PDE7B: variants seen among roughly 807,000 people sequenced by gnomAD.
PDE7B encodes the protein 3',5'-cyclic-AMP phosphodiesterase 7B.
A neutral mutation model predicts 56.2 loss-of-function variants in PDE7B; 29 were observed. That is an observed-to-expected ratio of 0.52 (90% CI 0.38 to 0.70). PDE7B has a LOEUF of 0.70. Ranked by LOEUF, PDE7B falls within the 30% of genes least tolerant of loss-of-function variation. PDE7B has a pLI of 0.00. For synonymous variants in PDE7B, 197 were observed against 196.9 expected, an observed-to-expected ratio of 1.00 and a Z score of 0.00; for missense variants, 490 against 565.0, an observed-to-expected ratio of 0.87 and a Z score of 1.35.
chr6:136,153,623 A>T (rs943660779), intron 6 of PDE7B, among the ~76,000 whole-genome samples: 1 of 152,194 alleles, frequency 6.6e-6, no homozygotes, highest in African/African-American at 2.4e-5. Context: ...TTTGTTATTC[A>T]AGTGTTAAAC....
intron 2 of PDE7B, 148 bp downstream of exon 2, chr6:135,947,672 AT>A: frequency 1.6e-6 from 1 of 637,554 alleles, no homozygotes. Flanking sequence ...ACACATTTAT[AT>A]GTGTAACACT....
intron 2 of PDE7B, among the ~76,000 whole-genome samples, chr6:136,003,665 C>T (rs946389524): frequency 1.3e-5 from 2 of 152,186 alleles, no homozygotes; most frequent in Non-Finnish European, 2.9e-5. Flanking sequence ...GAGGTTGAAT[C>T]TCTGAATAGA....
rs1562444827 is a variant in PDE7B, at chr6:135,934,756, T to TA, written c.22-12708_22-12707insA. Among the ~76,000 whole-genome samples the TA allele has an allele frequency of 5.7e-3, 496 of 86,738 alleles. 7 individuals are homozygous for TA. Among genetic ancestry groups the TA allele is most frequent in the African/African-American group, 0.018 (471 of 25,980 alleles). 56.9% of individuals were successfully genotyped at this position (86,738 alleles called of 152,430 possible). ...AAAAAAAAAATATATATATATATAT[T>TA]TTTTAAATATATATATATATTTATT... On this transcript the variant is annotated intron_variant, in intron 1 of 12. Transcript: ENST00000308191.
chr6:136,153,940 A>G, intron 6 of PDE7B, 135 bp from the exon 7 acceptor site: 2 of 595,934 alleles, frequency 3.4e-6, no homozygotes, highest in Non-Finnish European at 6.0e-6. Flanking sequence ...AACCACGTTT[A>G]TTTTTAAAGC....
intron 2 of PDE7B, among the ~76,000 whole-genome samples, chr6:135,981,710 T>C (rs1775300201): frequency 6.6e-6 from 1 of 150,958 alleles, no homozygotes; most frequent in African/African-American, 2.4e-5. Flanking sequence ...ACTATAACAA[T>C]GCCTTCCTCT....
intron 1 of PDE7B, among the ~76,000 whole-genome samples, chr6:135,887,723 T>C (rs1458775930): frequency 6.6e-6 from 1 of 152,178 alleles, no homozygotes; most frequent in Admixed American, 6.5e-5. Flanking sequence ...CTCTCAATTA[T>C]CTACATTTGG....
chr6:135,924,614 TCTC>T (rs1363185090), intron 1 of PDE7B, among the ~76,000 whole-genome samples: 1 of 98,180 alleles, frequency 1.0e-5, no homozygotes, highest in South Asian at 5.0e-4. Context: ...TCTCTCTCTC[TCTC>T]TTTTTTTTTT....
At chr6:136,138,535 C>G (rs148488718) in intron 3 of PDE7B, among the ~76,000 whole-genome samples, 1 of 151,994 alleles carries the variant, frequency 6.6e-6, no homozygotes, top group Non-Finnish European at 1.5e-5. Context: ...GATTGTTGCA[C>G]GTTCTTCCCC....
chr6:136,038,643 G>A, intron 2 of PDE7B: 5 of 728,018 alleles, frequency 6.9e-6, no homozygotes, highest in Non-Finnish European at 9.6e-6. Flanking sequence ...TCAGGTCTGA[G>A]GGCTGTGACT....
intron 1 of PDE7B, among the ~76,000 whole-genome samples, chr6:135,884,707 A>G (rs1194079729): frequency 2.6e-5 from 4 of 152,280 alleles, no homozygotes; most frequent in African/African-American, 9.6e-5. Flanking sequence ...TGATTAGTCA[A>G]TAGATATTTA....
At chr6:136,049,405 A>C (rs1266633837) in intron 2 of PDE7B, 1 of 151,936 alleles carries the variant, frequency 6.6e-6, no homozygotes, top group Non-Finnish European at 1.5e-5. Flanking sequence ...CTGGCCCTCC[A>C]TGTTTTTCTA....
At chr6:135,908,262 AT>A (rs111578063) in intron 1 of PDE7B, among the ~76,000 whole-genome samples, 8 of 147,994 alleles carry the variant, frequency 5.4e-5, no homozygotes, top group Admixed American at 6.8e-5. Flanking sequence ...CTAATTTTGT[AT>A]TTTTTTTTTA....
At chr6:136,088,312 A>G (rs896204245) in intron 2 of PDE7B, among the ~76,000 whole-genome samples, 3 of 152,122 alleles carry the variant, frequency 2.0e-5, no homozygotes, top group Non-Finnish European at 4.4e-5. Flanking sequence ...ACAAGGGGGG[A>G]GTGGAGCTGT....
At chr6:135,865,842 AG>A (rs1583715884) in intron 1 of PDE7B, among the ~76,000 whole-genome samples, 2 of 152,280 alleles carry the variant, frequency 1.3e-5, no homozygotes, top group East Asian at 3.9e-4. Flanking sequence ...CTTAATAAGA[AG>A]TCTGCAGCTA....
intron 1 of PDE7B, among the ~76,000 whole-genome samples, chr6:135,931,600 C>A (rs1157053683): frequency 6.6e-6 from 1 of 151,748 alleles, no homozygotes; most frequent in Non-Finnish European, 1.5e-5. Context: ...AATTTTTTCC[C>A]AGAAATAAAA....
At chr6:135,869,676 GAGA>G (rs1277301759) in intron 1 of PDE7B, among the ~76,000 whole-genome samples, 3 of 152,164 alleles carry the variant, frequency 2.0e-5, no homozygotes, top group Non-Finnish European at 2.9e-5. Flanking sequence ...ACAAAGTAAT[GAGA>G]CAACAGGTTG....
chr6:136,066,261 C>G (rs1037617584), intron 2 of PDE7B, among the ~76,000 whole-genome samples: 1 of 152,112 alleles, frequency 6.6e-6, no homozygotes, highest in African/African-American at 2.4e-5. Flanking sequence ...ACTCAATAAC[C>G]CTTAGAGCAG....
At chr6:136,140,322 T>G (rs1269899571) in intron 3 of PDE7B, among the ~76,000 whole-genome samples, 1 of 152,192 alleles carries the variant, frequency 6.6e-6, no homozygotes, top group Non-Finnish European at 1.5e-5. Flanking sequence ...TCTGTTCCAT[T>G]GGTCTGTATC....
chr6:136,080,979 A>G (rs1019024672), intron 2 of PDE7B, among the ~76,000 whole-genome samples: 1 of 152,202 alleles, frequency 6.6e-6, no homozygotes, highest in Non-Finnish European at 1.5e-5. Flanking sequence ...TAAATTAGCC[A>G]CACAGTGAAG....
Sources: allele counts gnomAD v4.1 joint callset (sites outside exome capture counted in the v4.1 genomes callset), GRCh38; gene constraint gnomAD v4.1.1; transcripts MANE v1.5; gene names NCBI Gene and HGNC (gene_info 2026-07-23, HGNC 2026-07-21).